Variants in DLGAP2 observed in about 807,000 individuals in gnomAD.
The protein encoded by DLGAP2 is DLG associated protein 2.
A neutral mutation model predicts 100.3 loss-of-function variants in DLGAP2; 26 were observed. The ratio of observed to expected loss-of-function variants is 0.26; its 90% CI spans 0.19 to 0.36. DLGAP2 has a LOEUF of 0.36. Ranked by LOEUF, DLGAP2 falls within the 10% of genes least tolerant of loss-of-function variation. The pLI, the probability that DLGAP2 is intolerant of heterozygous loss-of-function variation, is 1.00. For synonymous variants in DLGAP2, 886 were observed against 630.1 expected, an observed-to-expected ratio of 1.41 and a Z score of -6.08; for missense variants, 1,858 against 1,453.2, an observed-to-expected ratio of 1.28 and a Z score of -4.53.
At chr8:1,226,893 A>G (rs1798427160) in intron 2 of DLGAP2, among the ~76,000 whole-genome samples, 1 of 151,748 alleles carries the variant, frequency 6.6e-6, no homozygotes, top group Non-Finnish European at 1.5e-5. Flanking sequence ...AGAAAAGGGA[A>G]CCCCCACACT....
At chr8:901,344 A>G (rs1798247006) in intron 1 of DLGAP2, among the ~76,000 whole-genome samples, 1 of 152,244 alleles carries the variant, frequency 6.6e-6, no homozygotes, top group African/African-American at 2.4e-5. Context: ...TCCACTGCAC[A>G]AATCCATCTA....
At chr8:1,292,979 C>T (rs534624024) in intron 3 of DLGAP2, among the ~76,000 whole-genome samples, 38 of 152,160 alleles carry the variant, frequency 2.5e-4, no homozygotes, top group African/African-American at 3.6e-4. Flanking sequence ...CAGAGCACAA[C>T]GGCTGTTCCT....
intron 1 of DLGAP2, among the ~76,000 whole-genome samples, chr8:881,446 A>C (rs1465656217): frequency 6.6e-6 from 1 of 151,908 alleles, no homozygotes; most frequent in African/African-American, 2.4e-5. Context: ...AATAGAAATA[A>C]ATGCAAAAGA....
At chr8:1,171,947 G>C (rs192599972) in intron 2 of DLGAP2, among the ~76,000 whole-genome samples, 262 of 152,164 alleles carry the variant, frequency 1.7e-3, no homozygotes, top group African/African-American at 5.8e-3. Context: ...TGTTTATTTT[G>C]CTCGTTAGTT....
chr8:1,477,653 A>G (rs1798973197), intron 3 of DLGAP2, among the ~76,000 whole-genome samples: 1 of 152,196 alleles, frequency 6.6e-6, no homozygotes, highest in Non-Finnish European at 1.5e-5. Context: ...ATCTGCACCC[A>G]GGAATGTGCA....
At chr8:971,855 CAG>C (rs1800023170) in intron 2 of DLGAP2, among the ~76,000 whole-genome samples, 1 of 152,122 alleles carries the variant, frequency 6.6e-6, no homozygotes, top group Admixed American at 6.5e-5. Flanking sequence ...CTTCCTTACA[CAG>C]GGGGAAGAAA....
At chr8:1,378,726 C>G (rs1796023349) in intron 3 of DLGAP2, among the ~76,000 whole-genome samples, 1 of 152,254 alleles carries the variant, frequency 6.6e-6, no homozygotes, top group Non-Finnish European at 1.5e-5. Flanking sequence ...TGGAAAGTCA[C>G]ACGTTTTGCT....
At chr8:928,520 A>T (rs2129002791) in intron 2 of DLGAP2, among the ~76,000 whole-genome samples, 1 of 152,198 alleles carries the variant, frequency 6.6e-6, no homozygotes, top group Middle Eastern at 3.4e-3. Context: ...AACACGGGTG[A>T]TGCTGGCGGG....
rs532020566 is a variant in DLGAP2 at position 1,167,978 on chromosome 8, C to G, written c.74-90873C>G. 2.0e-3 allele frequency among the ~76,000 whole-genome samples: 301 copies of G among 151,454 alleles called. 3 individuals are homozygous for G. In the South Asian group the frequency reaches 0.023, roughly 12 times the overall value. The stretch of plus-strand genomic sequence containing the variant: ...CATGTGCCATGCTGGTGTGCTGCAC[C>G]CATTAACTCGTCATCTAGCATTAGG... On this transcript the variant is annotated intron_variant, in intron 2 of 14. Transcript: ENST00000637795.
At chr8:1,083,744 A>G (rs577939586) in intron 2 of DLGAP2, among the ~76,000 whole-genome samples, 1 of 152,330 alleles carries the variant, frequency 6.6e-6, no homozygotes, top group Non-Finnish European at 1.5e-5. Flanking sequence ...TGCAAGCGCC[A>G]GTACACGATT....
At chr8:1,455,948 C>T (rs1798299374) in intron 3 of DLGAP2, among the ~76,000 whole-genome samples, 1 of 152,232 alleles carries the variant, frequency 6.6e-6, no homozygotes, top group African/African-American at 2.4e-5. Context: ...CCGAGGCCCC[C>T]AGCATGTGGT....
At chr8:1,669,991 G>T (rs1307251988) in intron 10 of DLGAP2, among the ~76,000 whole-genome samples, 3 of 152,144 alleles carry the variant, frequency 2.0e-5, no homozygotes, top group African/African-American at 7.2e-5. Context: ...GCCTCGCTGG[G>T]CTCCGGCGCC....
At chr8:1,430,484 G>T (rs896720906) in intron 3 of DLGAP2, among the ~76,000 whole-genome samples, 1 of 152,130 alleles carries the variant, frequency 6.6e-6, no homozygotes, top group Non-Finnish European at 1.5e-5. Context: ...AGCAGAAGAA[G>T]CCTGGAAAGA....
chr8:1,271,600 G>A (rs11136376), intron 3 of DLGAP2, among the ~76,000 whole-genome samples: 81,723 of 151,898 alleles, frequency 0.54, 22,103 homozygotes, highest in Middle Eastern at 0.63. Context: ...ATACAGCAAT[G>A]GTTGTACTCT....
At chr8:1,108,691 G>A (rs1190655699) in intron 2 of DLGAP2, among the ~76,000 whole-genome samples, 1 of 144,918 alleles carries the variant, frequency 6.9e-6, no homozygotes, top group Non-Finnish European at 1.5e-5. Context: ...TGTGAGGTGT[G>A]CATGGGTCTG....
chr8:1,592,715 G>C (rs1284767818), intron 6 of DLGAP2, among the ~76,000 whole-genome samples: 3 of 152,050 alleles, frequency 2.0e-5, no homozygotes, highest in East Asian at 1.9e-4. Context: ...TTTATCTTCT[G>C]TGTTTTCTCT....
At chr8:1,065,871 T>A (rs2129036129) in intron 2 of DLGAP2, among the ~76,000 whole-genome samples, 1 of 152,294 alleles carries the variant, frequency 6.6e-6, no homozygotes, top group East Asian at 1.9e-4. Context: ...TCCTAGCTAT[T>A]TGCTTTCGAG....
chr8:809,231 A>G (rs1038848268), intron 1 of DLGAP2, among the ~76,000 whole-genome samples: 2 of 152,160 alleles, frequency 1.3e-5, no homozygotes, highest in South Asian at 4.1e-4. Flanking sequence ...TATTTTATTT[A>G]TACTCTCTGT....
intron 8 of DLGAP2, among the ~76,000 whole-genome samples, chr8:1,639,824 C>G (rs924940075): frequency 1.3e-5 from 2 of 152,234 alleles, no homozygotes; most frequent in African/African-American, 4.8e-5. Context: ...GCCTGGGCCT[C>G]CATTGTCCAA....
Sources: gnomAD v4.1 joint callset for allele counts (sites outside exome capture counted in the v4.1 genomes callset) on GRCh38, gnomAD v4.1.1 for gene constraint, MANE v1.5 for transcripts, NCBI Gene and HGNC (gene_info 2026-07-23, HGNC 2026-07-21) for gene names.